Variants in MCF2L observed in about 807,000 individuals in gnomAD.
The protein encoded by MCF2L is MCF.2 cell line derived transforming sequence like.
MCF2L carries 97 observed loss-of-function variants against 153.4 expected under a neutral mutation model. The ratio of observed to expected loss-of-function variants is 0.63; its 90% confidence interval spans 0.54 to 0.75. The LOEUF (loss-of-function observed/expected upper bound fraction) is 0.75, where lower values mean the gene tolerates loss of function less well. MCF2L is among the 30% of genes least tolerant of loss of function. The probability of loss-of-function intolerance (pLI) is 0.00; values close to 1 mark genes in which losing one functional copy is unlikely to be tolerated. For missense variants in MCF2L, 1,347 were observed against 1,495.2 expected (o/e 0.90, Z 1.64); for synonymous variants, 659 against 632.2 (o/e 1.04, Z -0.64).
At chr13:112,930,468 C>G (rs1002773648) in intron 2 of MCF2L, among the ~76,000 whole-genome samples, 2 of 152,134 alleles carry the variant, frequency 1.3e-5, no homozygotes, top group Non-Finnish European at 2.9e-5. Flanking sequence ...GATTCCAACT[C>G]TGTGATATTC....
intron 3 of MCF2L, among the ~76,000 whole-genome samples, chr13:113,039,866 A>G (rs113090123): frequency 5.6e-4 from 85 of 152,370 alleles, no homozygotes; most frequent in Non-Finnish European, 1.1e-3. Flanking sequence ...GTCCACATCT[A>G]CATAATTACA....
rs2034740711 is a variant in MCF2L at position 113,087,459 on chromosome 13, A to G, written c.2595+3A>G. ...ACAGCTACAAGCAGTCCTTAAACGT[A>G]AGTGAGGCCGGGTCTGCAGCAGCAC... On this transcript the variant is annotated splice_donor_region_variant and intron_variant, in intron 22 of 29. Coordinates refer to ENST00000535094, the MANE Select transcript of MCF2L (RefSeq NM_001112732.3). The G allele has an allele frequency of 6.3e-7, 1 of 1,596,732 alleles. No individual in the cohort carries two copies. The highest frequency in any genetic ancestry group is 8.6e-7 in the Non-Finnish European group (1 of 1,168,858).
At chr13:112,930,333 A>G (rs1469877585) in intron 2 of MCF2L, among the ~76,000 whole-genome samples, 3 of 152,220 alleles carry the variant, frequency 2.0e-5, no homozygotes, top group Non-Finnish European at 4.4e-5. Context: ...ACTGTGGTCC[A>G]TGCAGATGAT....
chr13:113,020,860 GTGTGTATATGTGTGTA>G (rs1307728353), intron 2 of MCF2L, among the ~76,000 whole-genome samples: 30 of 146,722 alleles, frequency 2.0e-4, no homozygotes, highest in African/African-American at 7.3e-4. Flanking sequence ...TGTATGTGTA[GTGTGTATATGTGTGTA>G]TGTGTAGATG....
At chr13:113,083,033 C>T (rs887963072) in intron 17 of MCF2L, among the ~76,000 whole-genome samples, 5 of 152,186 alleles carry the variant, frequency 3.3e-5, no homozygotes, top group Admixed American at 2.0e-4. Context: ...GCTTGTCCCC[C>T]GAGCGACCCG....
intron 4 of MCF2L, among the ~76,000 whole-genome samples, chr13:113,050,743 GC>G (rs1566803533): frequency 6.5e-5 from 1 of 15,380 alleles, no homozygotes; most frequent in Non-Finnish European, 1.3e-4. Flanking sequence ...GGCGGGGGGA[GC>G]GGGGGGGTGC....
At chr13:113,077,400 T>G (rs1417211833) in intron 13 of MCF2L, among the ~76,000 whole-genome samples, 189 bp downstream of exon 13, 3 of 152,144 alleles carry the variant, frequency 2.0e-5, no homozygotes. Flanking sequence ...TGTTTATAAA[T>G]GGAGTTTTGT....
Position 113,060,992 on chromosome 13 carries a change from C to T in MCF2L, c.489+280C>T, listed in dbSNP as rs180954271. ...GGGCATCCCATCAGGACGCGGGTCA[C>T]GCGACATTCATACCCCCAGGAGAAC... On this transcript the variant is annotated intron_variant, in intron 5 of 29. Coordinates refer to ENST00000535094, the MANE Select transcript of MCF2L (RefSeq NM_001112732.3). 2.6e-3 allele frequency among the ~76,000 whole-genome samples: 392 copies of T among 151,944 alleles called. 1 individual carries two copies. The highest frequency in any genetic ancestry group is 3.4e-3 in the Middle Eastern group (1 of 294).
At chr13:113,013,401 C>T (rs557637503) in intron 1 of MCF2L, among the ~76,000 whole-genome samples, 1 of 152,100 alleles carries the variant, frequency 6.6e-6, no homozygotes, top group African/African-American at 2.4e-5. Context: ...CTGCTTCCCC[C>T]CCAACACCAG....
At chr13:112,953,911 C>G (rs979251848) in intron 2 of MCF2L, among the ~76,000 whole-genome samples, 1 of 152,210 alleles carries the variant, frequency 6.6e-6, no homozygotes, top group Non-Finnish European at 1.5e-5. Flanking sequence ...CTCTCCTCCC[C>G]CTGCATGTTT....
chr13:113,054,957 T>G lies in MCF2L; in HGVS notation c.370-5636T>G, dbSNP rs1219343138. ...TAGATAGAAACCTATAGGATTACTT[T>G]ACTGTTGAGTAATTTACAAAAAGAC... On this transcript the variant is annotated intron_variant, in intron 4 of 29. Transcript: ENST00000535094. The surrounding 1 kb of genome is among the most constrained non-coding windows in gnomAD (Gnocchi z 5.2). The G allele has an allele frequency of 6.6e-6, 1 of 152,252 alleles. No individual in the cohort carries two copies. Among genetic ancestry groups the G allele is most frequent in the African/African-American group, 2.4e-5 (1 of 41,464 alleles). 9.4% of individuals were successfully genotyped at this position (152,252 alleles called of 1,614,324 possible). A position where few individuals can be genotyped will look rare whatever the true frequency, so the allele number is the denominator to read the frequency against.
intron 2 of MCF2L, among the ~76,000 whole-genome samples, chr13:112,955,116 G>A (rs916513354): frequency 7.9e-5 from 12 of 152,196 alleles, no homozygotes; most frequent in Admixed American, 2.6e-4. Flanking sequence ...TCAGGGACCC[G>A]AGGGAAAGCT....
chr13:113,086,818 G>A (rs1197222685), intron 21 of MCF2L, among the ~76,000 whole-genome samples: 1 of 152,060 alleles, frequency 6.6e-6, no homozygotes, highest in African/African-American at 2.4e-5. Flanking sequence ...TAAATCAGAG[G>A]CCCTGAGGCT....
chr13:112,901,438 G>C (rs2081118576), intron 1 of MCF2L, among the ~76,000 whole-genome samples: 4 of 152,226 alleles, frequency 2.6e-5, no homozygotes, highest in Admixed American at 6.5e-5. Flanking sequence ...ACAGGCGTGA[G>C]CCACAATACG....
At position 113,027,169 on chromosome 13, in the gene MCF2L, T is replaced by C. The variant is rs1425594853; in HGVS notation, c.278+2411T>C. The C allele has an allele frequency of 1.5e-6, 1 of 659,992 alleles. No individual in the cohort carries two copies. Among genetic ancestry groups the C allele is most frequent in the Non-Finnish European group, 2.8e-6 (1 of 362,248 alleles). 40.9% of individuals were successfully genotyped at this position (659,992 alleles called of 1,614,324 possible). On this transcript the variant is annotated intron_variant, in intron 3 of 29. Transcript: ENST00000535094. This position sits in a 1 kb window ranked among gnomAD's most constrained non-coding sequence, Gnocchi z 4.8. ...CAGCCGTGGCCATTACCGTGAAGGT[T>C]CTTCATTCTTCAGTCTTTAAAGACA...
At chr13:112,963,967 T>G (rs2081862930) in intron 2 of MCF2L, among the ~76,000 whole-genome samples, 1 of 152,238 alleles carries the variant, frequency 6.6e-6, no homozygotes, top group Non-Finnish European at 1.5e-5. Flanking sequence ...TCAGAGAGGC[T>G]TGGCCTGCAG....
In MCF2L at chr13:113,087,769, C is replaced by T. The variant is rs1342116430; in HGVS notation, c.2658C>T (p.Tyr886=). Residue 886 remains tyrosine, a synonymous_variant, in exon 23 of 30, where the codon TAC becomes TAT. Transcript: ENST00000535094. Reference sequence around the variant, plus strand: ...ATGCTAAGAAGTTCGAGATCTGGTACAACGCGCGCGAGGAGGTCTACATCG... The same window carrying T: ...ATGCTAAGAAGTTCGAGATCTGGTATAACGCGCGCGAGGAGGTCTACATCG... The part of the protein sequence containing the change: ...KGDAKKFEIW[Y]NAREEVYIVQ... 6.2e-7 allele frequency: 1 copy of T among 1,614,136 alleles called. No individual in the cohort carries two copies. Among genetic ancestry groups the T allele is most frequent in the Non-Finnish European group, 8.5e-7 (1 of 1,180,036 alleles).
chr13:112,982,163 T>A (rs545906890), intron 1 of MCF2L, among the ~76,000 whole-genome samples: 1 of 152,140 alleles, frequency 6.6e-6, no homozygotes, highest in East Asian at 1.9e-4. Context: ...TGGAAAGAGG[T>A]CTAGGGGCCT....
intron 3 of MCF2L, among the ~76,000 whole-genome samples, chr13:113,038,420 G>A (rs1055471809): frequency 1.1e-4 from 16 of 148,792 alleles, no homozygotes; most frequent in African/African-American, 3.0e-4. Flanking sequence ...AGCTGATATC[G>A]CGCCACTGCA....
Sources: allele counts gnomAD v4.1 joint callset (sites outside exome capture counted in the v4.1 genomes callset), GRCh38; gene constraint gnomAD v4.1.1; non-coding constraint Gnocchi (gnomAD v3.1); transcripts MANE v1.5; gene names NCBI Gene and HGNC (gene_info 2026-07-23, HGNC 2026-07-21).